Variants in ATP8A2 observed in about 807,000 individuals in gnomAD.
ATP8A2 encodes ATPase phospholipid transporting 8A2.
A neutral mutation model predicts 165.6 loss-of-function variants in ATP8A2; 100 were observed. The observed-to-expected ratio is 0.60, with a 90% CI of 0.51 to 0.71. The LOEUF (loss-of-function observed/expected upper bound fraction) is 0.71, where lower values mean the gene tolerates loss of function less well. Among genes scored for constraint, ATP8A2 ranks in the 30% least tolerant of loss-of-function variants. The pLI, the probability that ATP8A2 is intolerant of heterozygous loss-of-function variation, is 0.00. For missense variants in ATP8A2, 1,227 were observed against 1,479.5 expected (o/e 0.83, Z 2.80); for synonymous variants, 543 against 548.8 (o/e 0.99, Z 0.15).
intron 27 of ATP8A2, among the ~76,000 whole-genome samples, chr13:25,815,138 A>G (rs1950978445): frequency 6.6e-6 from 1 of 152,224 alleles, no homozygotes; most frequent in South Asian, 2.1e-4. Context: ...ATGACATTGA[A>G]TTTGGCAGTG....
intron 10 of ATP8A2, among the ~76,000 whole-genome samples, chr13:25,550,686 G>C (rs1312062671): frequency 2.0e-5 from 3 of 152,138 alleles, no homozygotes; most frequent in Non-Finnish European, 4.4e-5. Flanking sequence ...ACATCATTCA[G>C]GATGCCACTC....
chr13:25,555,375 C>T (rs531872822), intron 13 of ATP8A2, among the ~76,000 whole-genome samples: 4 of 152,012 alleles, frequency 2.6e-5, no homozygotes, highest in East Asian at 1.9e-4. Flanking sequence ...AAGCAAATAA[C>T]GGGGAAAACG....
In ATP8A2 at chr13:25,431,042, G is replaced by A. The variant is rs115818011; in HGVS notation, c.77-37935G>A. Among the ~76,000 whole-genome samples the A allele has an allele frequency of 8.5e-3, 1,290 of 151,862 alleles. 21 individuals carry two copies. Among genetic ancestry groups the A allele is most frequent in the African/African-American group, 0.029 (1,195 of 41,386 alleles). ...TATACACACACACACACACATAATG[G>A]GTGTGTGCATATGGTCTGTCTTCTG... On this transcript the variant is annotated intron_variant, in intron 1 of 36. Coordinates refer to ENST00000381655, the MANE Select transcript of ATP8A2 (RefSeq NM_016529.6).
intron 28 of ATP8A2, among the ~76,000 whole-genome samples, chr13:25,835,140 A>T (rs571173668): frequency 6.6e-6 from 1 of 152,286 alleles, no homozygotes; most frequent in Non-Finnish European, 1.5e-5. Flanking sequence ...CTGCCACGTA[A>T]ACAGCAGGCA....
chr13:25,691,714 T>C (rs1343345114), intron 24 of ATP8A2, among the ~76,000 whole-genome samples: 1 of 152,218 alleles, frequency 6.6e-6, no homozygotes, highest in Non-Finnish European at 1.5e-5. Flanking sequence ...ATTTCTCTTA[T>C]CTACTTATGG....
At chr13:25,781,931 A>G (rs2044890943) in intron 27 of ATP8A2, among the ~76,000 whole-genome samples, 1 of 152,176 alleles carries the variant, frequency 6.6e-6, no homozygotes, top group Non-Finnish European at 1.5e-5. Flanking sequence ...CCCTATTACA[A>G]ATTGGTATCT....
At chr13:25,940,831 G>A (rs1214841374) in intron 33 of ATP8A2, among the ~76,000 whole-genome samples, 3 of 152,202 alleles carry the variant, frequency 2.0e-5, no homozygotes, top group East Asian at 1.9e-4. Flanking sequence ...GCTCTGCCAC[G>A]ATCCTGGCCA....
intron 34 of ATP8A2, among the ~76,000 whole-genome samples, chr13:25,968,314 C>T (rs976773830): frequency 1.3e-5 from 2 of 152,152 alleles, no homozygotes; most frequent in Non-Finnish European, 2.9e-5. Flanking sequence ...CTGGGCTGCT[C>T]GGCCGACTTC....
intron 1 of ATP8A2, among the ~76,000 whole-genome samples, chr13:25,395,577 G>A (rs1306053643): frequency 3.9e-5 from 6 of 152,152 alleles, no homozygotes; most frequent in Non-Finnish European, 7.4e-5. Flanking sequence ...CAGGAAGAGA[G>A]ATGATTGGAC....
intron 25 of ATP8A2, among the ~76,000 whole-genome samples, chr13:25,745,981 G>A (rs532427268): frequency 6.6e-6 from 1 of 152,314 alleles, no homozygotes; most frequent in African/African-American, 2.4e-5. Context: ...GGTTTATATT[G>A]TTTTCACCAC....
At chr13:25,483,944 C>A (rs537932264) in intron 2 of ATP8A2, among the ~76,000 whole-genome samples, 1 of 152,172 alleles carries the variant, frequency 6.6e-6, no homozygotes, top group African/African-American at 2.4e-5. Context: ...AGTGGACTTG[C>A]GTATTACTCT....
At chr13:25,609,889 C>G (rs763792270) in intron 24 of ATP8A2, among the ~76,000 whole-genome samples, 39 of 150,732 alleles carry the variant, frequency 2.6e-4, no homozygotes, top group Non-Finnish European at 5.0e-4. Context: ...AGCATTTTTT[C>G]ATGTTTGTTG....
At chr13:25,743,513 G>A (rs993944027) in intron 25 of ATP8A2, among the ~76,000 whole-genome samples, 1 of 152,198 alleles carries the variant, frequency 6.6e-6, no homozygotes, top group African/African-American at 2.4e-5. Flanking sequence ...GGAAAGCGAG[G>A]AAATCGTGAG....
chr13:25,843,507 A>T (rs2138676015), intron 30 of ATP8A2, among the ~76,000 whole-genome samples: 1 of 152,190 alleles, frequency 6.6e-6, no homozygotes, highest in African/African-American at 2.4e-5. Context: ...GTGTACCTAT[A>T]AAAAGGACCC....
intron 23 of ATP8A2, among the ~76,000 whole-genome samples, chr13:25,584,271 G>A (rs2039857918): frequency 6.6e-6 from 1 of 152,164 alleles, no homozygotes; most frequent in Admixed American, 6.5e-5. Context: ...ACTTTTCAGT[G>A]TGGGACCACA....
intron 27 of ATP8A2, among the ~76,000 whole-genome samples, chr13:25,826,722 G>T (rs561939004): frequency 2.6e-5 from 4 of 152,278 alleles, no homozygotes; most frequent in South Asian, 4.2e-4. Context: ...TCTAAAGTCT[G>T]CCCTCAATCA....
chr13:25,835,435 T>A (rs1358297275), intron 28 of ATP8A2, among the ~76,000 whole-genome samples: 1 of 152,064 alleles, frequency 6.6e-6, no homozygotes, highest in African/African-American at 2.4e-5. Context: ...CTGCTCCCAA[T>A]AGACTTGGGA....
intron 24 of ATP8A2, among the ~76,000 whole-genome samples, chr13:25,602,395 G>A (rs1238090261): frequency 6.6e-6 from 1 of 152,100 alleles, no homozygotes; most frequent in Non-Finnish European, 1.5e-5. Context: ...CGACTTGCTG[G>A]GAGGGAACCA....
At chr13:25,391,606 G>A (rs977592921) in intron 1 of ATP8A2, among the ~76,000 whole-genome samples, 1 of 152,208 alleles carries the variant, frequency 6.6e-6, no homozygotes, top group African/African-American at 2.4e-5. Context: ...TTGGGGGCAG[G>A]AAGCTCACCT....
Sources: gnomAD v4.1 joint callset for allele counts (sites outside exome capture counted in the v4.1 genomes callset) on GRCh38, gnomAD v4.1.1 for gene constraint, MANE v1.5 for transcripts, NCBI Gene and HGNC (gene_info 2026-07-23, HGNC 2026-07-21) for gene names.